The following FNDC1 variants were observed in gnomAD, a reference collection of about 807,000 sequenced individuals.
FNDC1 encodes fibronectin type III domain containing 1.
FNDC1 carries 96 observed loss-of-function variants against 168.0 expected under a neutral mutation model. The observed-to-expected ratio is 0.57, with a 90% CI of 0.48 to 0.68. The LOEUF is 0.68. Ranked by LOEUF, FNDC1 falls within the 30% of genes least tolerant of loss-of-function variation. FNDC1 has a pLI of 0.00. For synonymous variants in FNDC1, 1,099 were observed against 1,025.9 expected (o/e 1.07, Z -1.36); for missense variants, 2,587 against 2,482.1 (o/e 1.04, Z -0.90).
Position 159,233,454 on chromosome 6 carries a change from C to T in FNDC1, c.2942C>T (p.Pro981Leu), listed in dbSNP as rs1332501464. ...GACCGCCACGCGTCCCCTGCTCGTC[C>T]GCCCGCAGCACGGTCACAGCAGCAT... ...STDRHASPAR[P>L]PAARSQQHPS... is the part of the protein sequence containing the mutation. Residue 981 changes from proline (P) to leucine (L), a missense_variant, in exon 11 of 23, where the codon CCG becomes CTG. By Grantham distance (98) the Pro-to-Leu change is moderately conservative. Transcript: ENST00000297267. The surrounding 1 kb of genome is among the most constrained non-coding windows in gnomAD (Gnocchi z 4.6). 6 of 1,608,818 alleles carry T rather than the reference C, an allele frequency of 3.7e-6. No individual in the cohort carries two copies.
rs745900102 is a variant in FNDC1 at position 159,269,205 on chromosome 6, A to ACATCTATCTATC, written c.5569+1279_5569+1280insCATCTATCTATC. ...GTATCCATCCATTATCTACCTATTC[A>ACATCTATCTATC]TATCTATCTATCTATCTATCTATCT... is the stretch of plus-strand genomic sequence containing the variant. On this transcript the variant is annotated intron_variant, in intron 22 of 22. Coordinates refer to ENST00000297267, the MANE Select transcript of FNDC1 (RefSeq NM_032532.3). Among the ~76,000 whole-genome samples, 18 of 115,624 alleles carry ACATCTATCTATC rather than the reference A, an allele frequency of 1.6e-4. 3 individuals carry two copies. Among genetic ancestry groups the ACATCTATCTATC allele is most frequent in the Admixed American group, 1.8e-4 (2 of 11,352 alleles). The allele number at this position is 115,624 out of a possible 152,430, so 75.9% of individuals were successfully genotyped here. A position where few individuals can be genotyped will look rare whatever the true frequency, so the allele number is the denominator to read the frequency against.
intron 19 of FNDC1, among the ~76,000 whole-genome samples, chr6:159,261,588 T>C (rs1777486138): frequency 6.6e-6 from 1 of 152,190 alleles, no homozygotes; most frequent in Non-Finnish European, 1.5e-5. Flanking sequence ...TTTAAAAAAA[T>C]TATTGCAAGC....
chr6:159,241,632 G>A (rs1455832702), intron 14 of FNDC1, among the ~76,000 whole-genome samples: 1 of 152,160 alleles, frequency 6.6e-6, no homozygotes, highest in Non-Finnish European at 1.5e-5. Flanking sequence ...GCATTTTAAT[G>A]CACTATAATT....
At chr6:159,176,884 A>T (rs79279279) in intron 1 of FNDC1, among the ~76,000 whole-genome samples, 29 of 152,332 alleles carry the variant, frequency 1.9e-4, no homozygotes, top group African/African-American at 7.0e-4. Flanking sequence ...CTTCATGCCA[A>T]TATAGACCAA....
chr6:159,247,972 C>A (rs1777172080), intron 15 of FNDC1, among the ~76,000 whole-genome samples: 2 of 152,174 alleles, frequency 1.3e-5, no homozygotes, highest in African/African-American at 2.4e-5. Flanking sequence ...TTGAGGTCCA[C>A]CTTTTCTGCA....
At chr6:159,255,007 G>A (rs1777343177) in intron 17 of FNDC1, among the ~76,000 whole-genome samples, 1 of 152,194 alleles carries the variant, frequency 6.6e-6, no homozygotes, top group Non-Finnish European at 1.5e-5. Flanking sequence ...TGTAAGAGCT[G>A]TATAACTAGA....
At chr6:159,228,591 A>T (rs1783006960) in intron 9 of FNDC1, among the ~76,000 whole-genome samples, 1 of 152,074 alleles carries the variant, frequency 6.6e-6, no homozygotes, top group South Asian at 2.1e-4. Context: ...GAGCTAAGGG[A>T]AAAGAAAAGA....
intron 5 of FNDC1, among the ~76,000 whole-genome samples, chr6:159,219,619 T>C (rs941724888): frequency 3.9e-5 from 6 of 152,160 alleles, no homozygotes; most frequent in Non-Finnish European, 8.8e-5. Context: ...CGTGAGAAGC[T>C]TAGCACAGGG....
intron 18 of FNDC1, among the ~76,000 whole-genome samples, chr6:159,258,851 G>A (rs1777424156): frequency 6.6e-6 from 1 of 152,228 alleles, no homozygotes; most frequent in South Asian, 2.1e-4. Context: ...CGTCATCTCA[G>A]TCTTCATGGG....
At chr6:159,246,723 G>T (rs1777143557) in intron 14 of FNDC1, among the ~76,000 whole-genome samples, 178 bp from the exon 15 acceptor site, 1 of 152,152 alleles carries the variant, frequency 6.6e-6, no homozygotes, top group South Asian at 2.1e-4. Flanking sequence ...GAAAGTCTGG[G>T]TTCCATTTCA....
At chr6:159,238,528 T>G (rs1783321699) in intron 12 of FNDC1, 26 bp from the exon 13 acceptor site, 1 of 1,505,682 alleles carries the variant, frequency 6.6e-7, no homozygotes, top group Non-Finnish European at 9.1e-7. Context: ...GTCCAATATA[T>G]TCTTTAATCT....
rs759391028 is a variant in FNDC1, at chr6:159,232,821, A to T, written c.2309A>T (p.His770Leu). The T allele has an allele frequency of 1.2e-6, 2 of 1,613,832 alleles. No individual in the cohort carries two copies. Among genetic ancestry groups the T allele is most frequent in the Non-Finnish European group, 8.5e-7 (1 of 1,179,902 alleles). ...ACCATGTCCTCCTCCGTCTCTTCTC[A>T]TCTCTCGTCCAGGACGCAGGTCTCT... ...RSTMSSSVSS[H>L]LSSRTQVSEG... is the part of the protein sequence containing the mutation. The change falls in exon 11 of 23, where the codon CAT becomes CTT. Residue 770 changes from histidine (H) to leucine (L), a missense_variant. Transcript: ENST00000297267. The surrounding 1 kb of genome is among the most constrained non-coding windows in gnomAD (Gnocchi z 4.9).
Position 159,231,887 on chromosome 6 carries a change from A to G in FNDC1, c.1375A>G (p.Lys459Glu). 1 of 1,588,772 alleles carries G rather than the reference A, an allele frequency of 6.3e-7. No homozygotes were observed. The highest frequency in any genetic ancestry group is 8.5e-7 in the Non-Finnish European group (1 of 1,172,342). Residue 459 changes from lysine to glutamate, a missense_variant, in exon 11 of 23, where the codon AAG becomes GAG. Transcript: ENST00000297267. ...AFIVAMPTTS[K>E]ADVEQNTEDN... ...TTCTTTAAAATCTGTTGCAGCCAGT[A>G]AGGCGGATGTTGAGCAGAACACGGA... is the stretch of plus-strand genomic sequence containing the variant.
chr6:159,239,784 C>T lies in FNDC1; in HGVS notation c.4448C>T (p.Thr1483Ile), dbSNP rs956988703. The part of the protein sequence containing the change: ...TRRTTTTRRT[T>I]TRRPTTTVRT... ...CGCACGACCACCACCCGCCGCACGA[C>T]CACCAGGCGTCCAACAACCACAGTC... is the stretch of plus-strand genomic sequence containing the variant. The change falls in exon 14 of 23, where the codon ACC (threonine) becomes ATC (isoleucine). Residue 1483 changes from threonine to isoleucine, a missense_variant. Physicochemically the swap from Thr to Ile is moderately conservative, Grantham distance 89. Coordinates refer to ENST00000297267, the MANE Select transcript of FNDC1 (RefSeq NM_032532.3). 5 of 1,544,034 alleles carry T rather than the reference C, an allele frequency of 3.2e-6. No individual in the cohort carries two copies. The East Asian group carries it at 1.2e-4, about 38-fold the overall frequency.
intron 1 of FNDC1, among the ~76,000 whole-genome samples, chr6:159,175,681 A>C (rs1781747400): frequency 1.3e-5 from 2 of 152,186 alleles, no homozygotes; most frequent in African/African-American, 4.8e-5. Flanking sequence ...CAGGGTCCTC[A>C]CTGTGGGGAA....
chr6:159,263,656 G>A (rs1777536472), intron 19 of FNDC1, among the ~76,000 whole-genome samples: 1 of 152,158 alleles, frequency 6.6e-6, no homozygotes, highest in Non-Finnish European at 1.5e-5. Flanking sequence ...CAGCTACTCG[G>A]GAGACTGAGG....
intron 1 of FNDC1, among the ~76,000 whole-genome samples, chr6:159,197,169 A>G (rs917350634): frequency 2.0e-5 from 3 of 152,222 alleles, no homozygotes; most frequent in Non-Finnish European, 2.9e-5. Flanking sequence ...GACAATGCCT[A>G]AAGTTTATAT....
At position 159,169,650 on chromosome 6, in the gene FNDC1, G is replaced by C. The variant is rs1781606621; in HGVS notation, c.54G>C (p.Ala18=). 1 of 1,160,802 alleles carries C rather than the reference G, an allele frequency of 8.6e-7. No homozygotes were observed. Among genetic ancestry groups the C allele is most frequent in the East Asian group, 4.1e-5 (1 of 24,184 alleles). 71.9% of individuals were successfully genotyped at this position (1,160,802 alleles called of 1,614,324 possible). ...GCGCGCCGCGCCGGCTGTCCTGGGC[G>C]GCGCTGCTGCTCTTGGCCGCGCTGC... is the stretch of plus-strand genomic sequence containing the variant. ...TLRAPRRLSW[A]ALLLLAALLP... Residue 18 remains alanine (A), a synonymous_variant, in exon 1 of 23, where the codon GCG becomes GCC. Transcript: ENST00000297267. This position sits in a 1 kb window ranked among gnomAD's most constrained non-coding sequence, Gnocchi z 6.8.
Position 159,232,523 on chromosome 6 carries a change from TC to T in FNDC1, c.2016del (p.Ser673AlafsTer64). 6.2e-7 allele frequency: 1 copy of T among 1,611,060 alleles called. No individual in the cohort carries two copies. Among genetic ancestry groups the T allele is most frequent in the Non-Finnish European group, 8.5e-7 (1 of 1,179,052 alleles). The stretch of plus-strand genomic sequence containing the variant: ...CTTCGCCCAGCCCCGGCCAGCCCTG[TC>T]CCCCAGCCGCCAGTCCCCGTCCAGC... Reference protein sequence around the residue: ...GAFAQPRPALSPSRQSPSSVL... With the variant: ...GAFAQPRPALXPSRQSPSSVL... On this transcript the variant is annotated frameshift_variant, in exon 11 of 23. Coordinates refer to ENST00000297267, the MANE Select transcript of FNDC1 (RefSeq NM_032532.3). LOFTEE classifies it high-confidence loss of function. This position sits in a 1 kb window ranked among gnomAD's most constrained non-coding sequence, Gnocchi z 4.9.
Sources: allele counts gnomAD v4.1 joint callset (sites outside exome capture counted in the v4.1 genomes callset), GRCh38; gene constraint gnomAD v4.1.1; non-coding constraint Gnocchi (gnomAD v3.1); transcripts MANE v1.5; gene names NCBI Gene and HGNC (gene_info 2026-07-23, HGNC 2026-07-21).